MIPEP: variants seen among roughly 807,000 people sequenced by gnomAD.
MIPEP encodes the protein mitochondrial intermediate peptidase.
MIPEP carries 79 observed loss-of-function variants against 90.3 expected under a neutral mutation model. The ratio of observed to expected loss-of-function variants is 0.87; its 90% CI spans 0.73 to 1.05. The LOEUF (loss-of-function observed/expected upper bound fraction) is 1.05. Ranked by LOEUF, MIPEP falls within the 50% of genes least tolerant of loss-of-function variation. MIPEP has a pLI of 0.00. For missense variants in MIPEP, 940 were observed against 905.6 expected (o/e 1.04, Z -0.49); for synonymous variants, 334 against 315.8 (o/e 1.06, Z -0.61).
intron 10 of MIPEP, among the ~76,000 whole-genome samples, chr13:23,854,133 G>A (rs1349265801): frequency 6.6e-6 from 1 of 150,592 alleles, no homozygotes; most frequent in Non-Finnish European, 1.5e-5. Context: ...AGATCATCCT[G>A]GCTAACACGG....
intron 9 of MIPEP, among the ~76,000 whole-genome samples, chr13:23,859,560 A>G (rs796412300): frequency 5.9e-5 from 9 of 152,166 alleles, no homozygotes; most frequent in African/African-American, 2.2e-4. Flanking sequence ...GTGAAGACAG[A>G]CTGCCTGGGC....
intron 16 of MIPEP, among the ~76,000 whole-genome samples, chr13:23,763,691 G>C (rs1158817238): frequency 1.3e-5 from 2 of 152,164 alleles, no homozygotes; most frequent in African/African-American, 4.8e-5. Flanking sequence ...ATTTGTGCAT[G>C]CATCATTTCC....
At chr13:23,863,127 G>A (rs780937941) in intron 8 of MIPEP, among the ~76,000 whole-genome samples, 1 of 152,186 alleles carries the variant, frequency 6.6e-6, no homozygotes, top group Non-Finnish European at 1.5e-5. Context: ...CAATGTGTTG[G>A]TGTAGCCACA....
chr13:23,863,728 G>A (rs1870409665), intron 8 of MIPEP, among the ~76,000 whole-genome samples: 1 of 152,102 alleles, frequency 6.6e-6, no homozygotes. Context: ...CAAATGTTGA[G>A]ATAGAACATC....
chr13:23,763,262 G>C (rs562958305), intron 16 of MIPEP, among the ~76,000 whole-genome samples: 96 of 152,274 alleles, frequency 6.3e-4, no homozygotes, highest in Non-Finnish European at 1.1e-3. Flanking sequence ...CTCGTATGAA[G>C]CAGTTTGGAT....
intron 16 of MIPEP, among the ~76,000 whole-genome samples, chr13:23,765,423 C>T (rs954351296): frequency 7.2e-5 from 11 of 152,150 alleles, no homozygotes; most frequent in African/African-American, 2.7e-4. Flanking sequence ...TATCTTATTG[C>T]TGTTAATCTC....
chr13:23,854,068 G>A (rs909450277), intron 10 of MIPEP, among the ~76,000 whole-genome samples: 35 of 150,596 alleles, frequency 2.3e-4, no homozygotes, highest in East Asian at 2.0e-4. Flanking sequence ...GCTCACGCCT[G>A]TAATCCCAGC....
chr13:23,807,017 T>C (rs1170903978), intron 15 of MIPEP, among the ~76,000 whole-genome samples: 1 of 152,072 alleles, frequency 6.6e-6, no homozygotes, highest in Admixed American at 6.6e-5. Flanking sequence ...AGGTTGGAAC[T>C]AGACTCCCAC....
At chr13:23,778,231 A>C (rs535538187) in intron 16 of MIPEP, among the ~76,000 whole-genome samples, 7 of 152,290 alleles carry the variant, frequency 4.6e-5, no homozygotes, top group Non-Finnish European at 1.0e-4. Flanking sequence ...AGACACAAAA[A>C]AACATACACA....
At chr13:23,740,834 G>A (rs1156415029) in intron 18 of MIPEP, among the ~76,000 whole-genome samples, 1 of 152,214 alleles carries the variant, frequency 6.6e-6, no homozygotes. Flanking sequence ...ATGCACAGAG[G>A]GACTGCCCTC....
intron 1 of MIPEP, among the ~76,000 whole-genome samples, chr13:23,886,849 A>G (rs1871506610): frequency 6.6e-6 from 1 of 151,852 alleles, no homozygotes; most frequent in Admixed American, 6.6e-5. Context: ...ATATATATAT[A>G]CATAAAGCAG....
At chr13:23,732,080 C>T (rs549968106) in intron 18 of MIPEP, among the ~76,000 whole-genome samples, 2 of 150,132 alleles carry the variant, frequency 1.3e-5, no homozygotes, top group Non-Finnish European at 1.5e-5. Context: ...GCCTCGACTT[C>T]CCAGGCTGAA....
chr13:23,731,968 ATTTTTT>A (rs57109674), intron 18 of MIPEP, among the ~76,000 whole-genome samples: 65 of 97,860 alleles, frequency 6.6e-4, no homozygotes, highest in Middle Eastern at 7.6e-3. Context: ...AGAATAGCTA[ATTTTTT>A]TTTTTTTTTT....
intron 16 of MIPEP, among the ~76,000 whole-genome samples, chr13:23,786,626 C>T (rs1450070312): frequency 2.1e-5 from 3 of 142,714 alleles, no homozygotes; most frequent in African/African-American, 7.5e-5. Context: ...CATTTCACTC[C>T]CCATATAGTT....
intron 18 of MIPEP, among the ~76,000 whole-genome samples, chr13:23,743,301 A>C (rs1398499169): frequency 6.6e-6 from 1 of 152,244 alleles, no homozygotes; most frequent in Non-Finnish European, 1.5e-5. Context: ...GAATTTTATG[A>C]GATCAGAATC....
chr13:23,781,872 T>C (rs569532782), intron 16 of MIPEP, among the ~76,000 whole-genome samples: 33 of 152,200 alleles, frequency 2.2e-4, no homozygotes, highest in African/African-American at 7.0e-4. Flanking sequence ...CACTACATAA[T>C]GGTAAAGGGA....
chr13:23,757,885 C>G (rs563421007), intron 17 of MIPEP, among the ~76,000 whole-genome samples: 1 of 152,178 alleles, frequency 6.6e-6, no homozygotes, highest in East Asian at 1.9e-4. Context: ...ATGAAAAATG[C>G]AATTCCTTTA....
intron 15 of MIPEP, among the ~76,000 whole-genome samples, chr13:23,808,093 GTGTTTTTTTTT>G (rs985712817): frequency 2.0e-4 from 31 of 151,516 alleles, no homozygotes; most frequent in African/African-American, 5.1e-4. Flanking sequence ...TTTAAAAACA[GTGTTTTTTTTT>G]TGTTTTTTTT....
intron 2 of MIPEP, among the ~76,000 whole-genome samples, chr13:23,886,029 T>C (rs745346657): frequency 2.6e-5 from 4 of 151,874 alleles, no homozygotes; most frequent in Non-Finnish European, 5.9e-5. Flanking sequence ...AATATATATG[T>C]AAATATATAT....
Sources: allele counts gnomAD v4.1 joint callset (sites outside exome capture counted in the v4.1 genomes callset), GRCh38; gene constraint gnomAD v4.1.1; transcripts MANE v1.5; gene names NCBI Gene and HGNC (gene_info 2026-07-23, HGNC 2026-07-21).